PARVA: variants seen among roughly 807,000 people sequenced by gnomAD.
PARVA encodes the protein alpha-parvin.
A neutral mutation model predicts 52.6 loss-of-function variants in PARVA; 25 were observed. The observed-to-expected ratio is 0.48, with a 90% confidence interval of 0.35 to 0.66. PARVA has a LOEUF of 0.66. PARVA is among the 30% of genes least tolerant of loss of function. The pLI, the probability that PARVA is intolerant of heterozygous loss-of-function variation, is 0.01. For missense variants in PARVA, 373 were observed against 450.9 expected (o/e 0.83, Z 1.56); for synonymous variants, 185 against 179.1 (o/e 1.03, Z -0.26).
intron 1 of PARVA, among the ~76,000 whole-genome samples, chr11:12,404,915 C>T (rs1939879776): frequency 6.6e-6 from 1 of 152,166 alleles, no homozygotes; most frequent in African/African-American, 2.4e-5. Flanking sequence ...ATGGTTCTCC[C>T]AAGGTCCATA....
intron 8 of PARVA, among the ~76,000 whole-genome samples, chr11:12,512,237 A>G (rs999766792): frequency 1.3e-5 from 2 of 152,218 alleles, no homozygotes; most frequent in East Asian, 1.9e-4. Flanking sequence ...GAAGACATGC[A>G]TGAACACAAG....
At chr11:12,450,871 A>C (rs528131615) in intron 1 of PARVA, among the ~76,000 whole-genome samples, 27 of 152,330 alleles carry the variant, frequency 1.8e-4, no homozygotes, top group Non-Finnish European at 3.1e-4. Context: ...TACCTGCTTT[A>C]TTCTAGCTGT....
chr11:12,495,708 A>C (rs1941290675), intron 4 of PARVA, among the ~76,000 whole-genome samples: 1 of 152,216 alleles, frequency 6.6e-6, no homozygotes, highest in South Asian at 2.1e-4. Context: ...ACCACTCAGA[A>C]AGAGAAAAAT....
Position 12,528,234 on chromosome 11 carries a change from C to T in PARVA, c.*309C>T. On this transcript the variant is annotated 3_prime_UTR_variant, in exon 13 of 13. Transcript: ENST00000334956. Reference sequence around the variant, plus strand: ...ACCAGCTTAGGCAAAAGAGTCCCCACAAGATGAAAATAAAGATCCTAGTTA... The same window carrying T: ...ACCAGCTTAGGCAAAAGAGTCCCCATAAGATGAAAATAAAGATCCTAGTTA... 2 of 421,624 alleles carry T rather than the reference C, an allele frequency of 4.7e-6. No homozygotes were observed. The highest frequency in any genetic ancestry group is 4.3e-6 in the Non-Finnish European group (1 of 231,190). 26.1% of individuals were successfully genotyped at this position (421,624 alleles called of 1,614,324 possible).
intron 1 of PARVA, among the ~76,000 whole-genome samples, chr11:12,392,694 T>G (rs1009686880): frequency 1.3e-5 from 2 of 152,208 alleles, no homozygotes; most frequent in Non-Finnish European, 2.9e-5. Context: ...ATGTACAAGT[T>G]TTGGTATAGA....
intron 1 of PARVA, among the ~76,000 whole-genome samples, chr11:12,430,749 A>G (rs954172792): frequency 6.6e-6 from 1 of 152,348 alleles, no homozygotes; most frequent in African/African-American, 2.4e-5. Context: ...ATAGTTATAG[A>G]CATATCACTT....
In PARVA at chr11:12,527,916, C is replaced by T. The variant is rs779860007; in HGVS notation, c.1110C>T (p.Asn370=). ...VLYNLFTKYR[N]VE ...ACAACCTCTTCACCAAGTACCGTAA[C>T]GTGGAGTGAGGGGCTGCCCTGGGCC... Residue 370 remains asparagine (N), a synonymous_variant, in exon 13 of 13, where the codon AAC becomes AAT. Transcript: ENST00000334956. The T allele has an allele frequency of 1.1e-5, 18 of 1,611,618 alleles. No individual in the cohort carries two copies. Among genetic ancestry groups the T allele is most frequent in the Admixed American group, 3.3e-5 (2 of 60,004 alleles).
intron 10 of PARVA, among the ~76,000 whole-genome samples, 194 bp downstream of exon 10, chr11:12,514,259 T>A (rs1401417048): frequency 1.3e-5 from 2 of 152,218 alleles, no homozygotes; most frequent in Non-Finnish European, 1.5e-5. Context: ...ATTACAAGAA[T>A]GAATACTCAT....
intron 1 of PARVA, among the ~76,000 whole-genome samples, chr11:12,384,981 C>A (rs1939550921): frequency 6.6e-6 from 1 of 152,130 alleles, no homozygotes; most frequent in African/African-American, 2.4e-5. Context: ...AAAACACCAT[C>A]ACTCAGATGG....
intron 1 of PARVA, among the ~76,000 whole-genome samples, chr11:12,467,682 G>T (rs1010385643): frequency 6.6e-6 from 1 of 152,180 alleles, no homozygotes; most frequent in Non-Finnish European, 1.5e-5. Context: ...CTTTCAAGGG[G>T]ACTAGAAATT....
intron 1 of PARVA, among the ~76,000 whole-genome samples, chr11:12,384,804 C>T (rs59799411): frequency 0.038 from 5,753 of 152,074 alleles, 358 homozygotes; most frequent in African/African-American, 0.13. Context: ...GATTGTGGAA[C>T]GGGGGTTGGT....
chr11:12,485,592 C>T (rs1471869270), intron 4 of PARVA, among the ~76,000 whole-genome samples: 1 of 152,054 alleles, frequency 6.6e-6, no homozygotes, highest in Non-Finnish European at 1.5e-5. Flanking sequence ...GGATTATAAC[C>T]CAAAGTCTAA....
chr11:12,463,560 G>A (rs556217989), intron 1 of PARVA, among the ~76,000 whole-genome samples: 34 of 152,252 alleles, frequency 2.2e-4, no homozygotes, highest in African/African-American at 7.7e-4. Flanking sequence ...CATGGTTTAT[G>A]ACTGTGGATA....
intron 1 of PARVA, among the ~76,000 whole-genome samples, chr11:12,409,614 G>A (rs1447722358): frequency 1.3e-5 from 2 of 152,194 alleles, no homozygotes; most frequent in Non-Finnish European, 2.9e-5. Flanking sequence ...TTTTAAGATG[G>A]AGTAAGGGGC....
At chr11:12,393,707 A>T (rs78222489) in intron 1 of PARVA, among the ~76,000 whole-genome samples, 2,946 of 152,242 alleles carry the variant, frequency 0.019, 81 homozygotes, top group African/African-American at 0.067. Context: ...GGCCACACCT[A>T]AGTGCAAGAG....
intron 1 of PARVA, among the ~76,000 whole-genome samples, chr11:12,469,673 T>A (rs1453208689): frequency 1.3e-5 from 2 of 152,220 alleles, no homozygotes; most frequent in Non-Finnish European, 2.9e-5. Context: ...TTACAAACAG[T>A]TGGCTCAGAG....
chr11:12,481,410 G>C lies in PARVA; in HGVS notation c.400+3461G>C, dbSNP rs562790194. On this transcript the variant is annotated intron_variant, in intron 4 of 12. Coordinates refer to ENST00000334956, the MANE Select transcript of PARVA (RefSeq NM_018222.5). ...CTCTTTCAGGTTGCCTCCTGGACAC[G>C]TTCAACAAGCTGCCCATATTTTTTT... is the stretch of plus-strand genomic sequence containing the variant. Among the ~76,000 whole-genome samples the C allele has an allele frequency of 7.3e-5, 11 of 151,274 alleles. No homozygotes were observed. The South Asian group carries it at 2.3e-3, about 32-fold the overall frequency.
intron 1 of PARVA, among the ~76,000 whole-genome samples, chr11:12,458,660 G>T (rs927187707): frequency 6.6e-6 from 1 of 152,208 alleles, no homozygotes; most frequent in African/African-American, 2.4e-5. Context: ...GGGCACAGCA[G>T]ATGCTTGTGC....
intron 1 of PARVA, among the ~76,000 whole-genome samples, chr11:12,457,878 A>G (rs2135020312): frequency 6.6e-6 from 1 of 152,344 alleles, no homozygotes; most frequent in East Asian, 1.9e-4. Context: ...TGCCTTTGCC[A>G]TGAAGCCCTC....
Sources: gnomAD v4.1 joint callset for allele counts (sites outside exome capture counted in the v4.1 genomes callset) on GRCh38, gnomAD v4.1.1 for gene constraint, MANE v1.5 for transcripts, NCBI Gene and HGNC (gene_info 2026-07-23, HGNC 2026-07-21) for gene names.